CTTNBP2NL: variants seen among roughly 807,000 people sequenced by gnomAD.
CTTNBP2NL encodes the protein CTTNBP2 N-terminal like, also known as CTTNBP2 N-terminal-like protein.
A neutral mutation model predicts 32.5 loss-of-function variants in CTTNBP2NL; 16 were observed. The ratio of observed to expected loss-of-function variants is 0.49; its 90% CI spans 0.33 to 0.75. The LOEUF is 0.75. Ranked by LOEUF, CTTNBP2NL falls within the 30% of genes least tolerant of loss-of-function variation. The pLI is 0.02. For synonymous variants in CTTNBP2NL, 298 were observed against 289.4 expected (o/e 1.03, Z -0.30); for missense variants, 645 against 756.0 (o/e 0.85, Z 1.72).
intron 4 of CTTNBP2NL, among the ~76,000 whole-genome samples, chr1:112,452,335 C>CTTTTTTTTTTTTTTT (rs1157736195): frequency 1.5e-5 from 1 of 65,688 alleles, no homozygotes; most frequent in African/African-American, 6.1e-5. Flanking sequence ...CCAGTCTCTT[C>CTTTTTTTTTTTTTTT]TTTTTTTTTT....
intron 3 of CTTNBP2NL, among the ~76,000 whole-genome samples, chr1:112,418,850 T>C (rs1452811359): frequency 2.0e-5 from 3 of 152,176 alleles, no homozygotes; most frequent in Non-Finnish European, 4.4e-5. Context: ...AAAATAGATT[T>C]GACTGCTAAT....
At position 112,459,515 on chromosome 1, in the gene CTTNBP2NL, T is replaced by A. The variant is rs1650485405; in HGVS notation, c.*2103T>A. The A allele has an allele frequency of 6.6e-6, 1 of 152,130 alleles. No individual in the cohort carries two copies. The highest frequency in any genetic ancestry group is 2.4e-5 in the African/African-American group (1 of 41,438). 9.4% of individuals were successfully genotyped at this position (152,130 alleles called of 1,614,324 possible). A position where few individuals can be genotyped will look rare whatever the true frequency, so the allele number is the denominator to read the frequency against. On this transcript the variant is annotated 3_prime_UTR_variant, in exon 6 of 6. Transcript: ENST00000271277. The stretch of plus-strand genomic sequence containing the variant: ...ATGGAAATCAGTGTATAAATCACAA[T>A]GGAGTATATTGGCAACTCCACAGCT...
At chr1:112,405,227 T>C (rs1245471034) in intron 1 of CTTNBP2NL, among the ~76,000 whole-genome samples, 2 of 152,218 alleles carry the variant, frequency 1.3e-5, no homozygotes, top group Non-Finnish European at 2.9e-5. Flanking sequence ...GCTTAACTAA[T>C]GTAGTTCTAG....
intron 4 of CTTNBP2NL, among the ~76,000 whole-genome samples, chr1:112,453,963 A>T (rs1344712835): frequency 6.6e-6 from 1 of 152,218 alleles, no homozygotes; most frequent in African/African-American, 2.4e-5. Flanking sequence ...ATTATTAGTT[A>T]AACAAGGCAC....
At chr1:112,404,880 C>T (rs931192062) in intron 1 of CTTNBP2NL, among the ~76,000 whole-genome samples, 1 of 152,048 alleles carries the variant, frequency 6.6e-6, no homozygotes, top group African/African-American at 2.4e-5. Flanking sequence ...GGAGGAACCC[C>T]GTCTCTACTA....
intron 4 of CTTNBP2NL, among the ~76,000 whole-genome samples, chr1:112,451,133 T>TAAGA (rs1650203468): frequency 6.6e-6 from 1 of 152,088 alleles, no homozygotes; most frequent in Non-Finnish European, 1.5e-5. Context: ...TTTTTTCTTT[T>TAAGA]AGCCATTCAC....
upstream of CTTNBP2NL, among the ~76,000 whole-genome samples, chr1:112,392,345 T>C (rs1342686203): frequency 6.6e-6 from 1 of 152,226 alleles, no homozygotes; most frequent in Non-Finnish European, 1.5e-5. Flanking sequence ...GCATAATGCT[T>C]AGCACATAAT....
At chr1:112,422,677 G>C (rs1649267143) in intron 3 of CTTNBP2NL, among the ~76,000 whole-genome samples, 1 of 152,070 alleles carries the variant, frequency 6.6e-6, no homozygotes, top group Non-Finnish European at 1.5e-5. Context: ...CATCCTTATA[G>C]GTGTGTAATA....
At chr1:112,447,381 A>T (rs1368249490) in intron 3 of CTTNBP2NL, among the ~76,000 whole-genome samples, 1 of 152,074 alleles carries the variant, frequency 6.6e-6, no homozygotes, top group Non-Finnish European at 1.5e-5. Flanking sequence ...ATAAGGCTAG[A>T]AAGATAGTTA....
intron 1 of CTTNBP2NL, among the ~76,000 whole-genome samples, chr1:112,399,430 T>A (rs1648430047): frequency 6.6e-6 from 1 of 151,938 alleles, no homozygotes; most frequent in African/African-American, 2.4e-5. Context: ...GTTTTTAAAG[T>A]AACACTAAAA....
upstream of CTTNBP2NL, among the ~76,000 whole-genome samples, chr1:112,392,613 T>C (rs571582084): frequency 1.3e-5 from 2 of 152,258 alleles, no homozygotes; most frequent in Non-Finnish European, 2.9e-5. Context: ...GATGAGGTCA[T>C]GGTGGAATAG....
chr1:112,425,011 A>C (rs1312907957), intron 3 of CTTNBP2NL, among the ~76,000 whole-genome samples: 1 of 148,000 alleles, frequency 6.8e-6, no homozygotes, highest in South Asian at 2.1e-4. Context: ...TGGTAGAGAG[A>C]TAGGAGCTCA....
upstream of CTTNBP2NL, among the ~76,000 whole-genome samples, chr1:112,392,515 C>T (rs989109948): frequency 2.6e-5 from 4 of 152,008 alleles, no homozygotes; most frequent in African/African-American, 9.7e-5. Flanking sequence ...TGTATCGGGT[C>T]GAATGATGTC....
At chr1:112,426,840 A>C (rs1225800856) in intron 3 of CTTNBP2NL, among the ~76,000 whole-genome samples, 2 of 152,070 alleles carry the variant, frequency 1.3e-5, no homozygotes, top group Non-Finnish European at 2.9e-5. Flanking sequence ...TCCTGACCTC[A>C]AGTGATCTGC....
Position 112,457,084 on chromosome 1 carries a change from C to T in CTTNBP2NL, c.1592C>T (p.Thr531Ile), listed in dbSNP as rs757282790. ...TCTCCCAACAGCTCTCCCTTTGGCA[C>T]AGACTATCGAAATCTAGCCAACACT... ...PVSPNSSPFG[T>I]DYRNLANTAN... The change falls in exon 6 of 6, where the codon ACA becomes ATA. Residue 531 changes from threonine (T) to isoleucine (I), a missense_variant. Transcript: ENST00000271277. The T allele has an allele frequency of 1.2e-4, 196 of 1,614,072 alleles. No individual in the cohort carries two copies. Among genetic ancestry groups the T allele is most frequent in the Non-Finnish European group, 1.6e-4 (191 of 1,180,048 alleles).
intron 1 of CTTNBP2NL, among the ~76,000 whole-genome samples, chr1:112,398,778 TCTC>T (rs1271210342): frequency 1.5e-5 from 2 of 136,024 alleles, no homozygotes; most frequent in Non-Finnish European, 3.0e-5. Flanking sequence ...GCCACTGCAC[TCTC>T]CAGCCTGGGC....
chr1:112,416,406 C>G, intron 3 of CTTNBP2NL, 142 bp downstream of exon 3: 1 of 564,692 alleles, frequency 1.8e-6, no homozygotes, highest in Non-Finnish European at 3.1e-6. Flanking sequence ...AGGTAGCCAC[C>G]TACATTGTGT....
intron 1 of CTTNBP2NL, among the ~76,000 whole-genome samples, chr1:112,399,517 A>G (rs2488760): frequency 0.13 from 19,581 of 152,070 alleles, 4,138 homozygotes; most frequent in African/African-American, 0.44. Context: ...GGTGGGCATA[A>G]TACAATCAGT....
At chr1:112,434,912 G>A (rs1255742553) in intron 3 of CTTNBP2NL, among the ~76,000 whole-genome samples, 1 of 152,080 alleles carries the variant, frequency 6.6e-6, no homozygotes, top group Non-Finnish European at 1.5e-5. Flanking sequence ...GGAGGCCGAG[G>A]CGGGTGGATC....
Sources: allele counts gnomAD v4.1 joint callset (sites outside exome capture counted in the v4.1 genomes callset), GRCh38; gene constraint gnomAD v4.1.1; transcripts MANE v1.5; gene names NCBI Gene and HGNC (gene_info 2026-07-23, HGNC 2026-07-21).